Variants in LRP1B observed in about 807,000 individuals in gnomAD.
LRP1B encodes LDL receptor related protein 1B.
LRP1B carries 217 observed loss-of-function variants against 556.6 expected under a neutral mutation model. The observed-to-expected ratio is 0.39, with a 90% CI of 0.35 to 0.44. LRP1B has a LOEUF of 0.44. LRP1B is among the 20% of genes least tolerant of loss of function. The probability of loss-of-function intolerance (pLI) is 1.00; values close to 1 mark genes in which losing one functional copy is unlikely to be tolerated. For synonymous variants in LRP1B, 2,047 were observed against 1,865.8 expected (o/e 1.10, Z -2.50); for missense variants, 5,053 against 5,620.8 (o/e 0.90, Z 3.23).
chr2:140,774,344 A>G (rs1351176533), intron 33 of LRP1B, among the ~76,000 whole-genome samples: 1 of 152,182 alleles, frequency 6.6e-6, no homozygotes, highest in Non-Finnish European at 1.5e-5. Flanking sequence ...TTATACCTAT[A>G]GAATCAAATC....
chr2:141,157,750 G>T (rs926719833), intron 7 of LRP1B, among the ~76,000 whole-genome samples: 9 of 151,956 alleles, frequency 5.9e-5, no homozygotes, highest in Non-Finnish European at 1.2e-4. Flanking sequence ...GTTTAACATC[G>T]CTGAGAAAAG....
At chr2:140,518,627 T>A (rs532049507) in intron 49 of LRP1B, among the ~76,000 whole-genome samples, 1 of 152,300 alleles carries the variant, frequency 6.6e-6, no homozygotes, top group East Asian at 1.9e-4. Context: ...GGTTTGTAGT[T>A]CTCCCTGAAG....
chr2:140,884,667 C>T (rs1353974130), intron 24 of LRP1B, among the ~76,000 whole-genome samples: 6 of 152,086 alleles, frequency 3.9e-5, no homozygotes, highest in Admixed American at 3.3e-4. Context: ...TACCAATATT[C>T]TTATTTATCC....
chr2:141,257,763 T>C lies in LRP1B; in HGVS notation c.344-3122A>G, dbSNP rs895060147. Among the ~76,000 whole-genome samples the C allele has an allele frequency of 2.6e-5, 4 of 152,196 alleles. No individual in the cohort carries two copies. The South Asian group carries it at 8.3e-4, about 32-fold the overall frequency. ...GTGAAATGGTAAATATTGATTCTGCTAACAGATCGTGAAGAACCATGAAGA... is the reference window on the plus strand; with the variant it reads ...GTGAAATGGTAAATATTGATTCTGCCAACAGATCGTGAAGAACCATGAAGA... On this transcript the variant is annotated intron_variant, in intron 3 of 90. Transcript: ENST00000389484.
intron 3 of LRP1B, among the ~76,000 whole-genome samples, chr2:141,419,845 CTTTAT>C (rs552185070): frequency 3.0e-3 from 400 of 135,100 alleles, no homozygotes; most frequent in African/African-American, 9.8e-3. Context: ...TATTTGAGAT[CTTTAT>C]TTCATTTCAT....
rs536093251 is a variant in LRP1B at position 140,250,372 on chromosome 2, T to A, written c.13248-3210A>T. Reference sequence around the variant, plus strand: ...ATGGATGGATAGACAGATAGACAGGTAGGTAGGTAGATAAACAGATACTTA... The same window carrying A: ...ATGGATGGATAGACAGATAGACAGGAAGGTAGGTAGATAAACAGATACTTA... On this transcript the variant is annotated intron_variant, in intron 86 of 90. Coordinates refer to ENST00000389484, the MANE Select transcript of LRP1B (RefSeq NM_018557.3). Among the ~76,000 whole-genome samples the A allele has an allele frequency of 2.6e-5, 4 of 151,902 alleles. No individual in the cohort carries two copies. The East Asian group carries it at 7.8e-4, about 30-fold the overall frequency.
In LRP1B at chr2:141,336,984, T is replaced by C. The variant is rs142541060; in HGVS notation, c.344-82343A>G. On this transcript the variant is annotated intron_variant, in intron 3 of 90. Coordinates refer to ENST00000389484, the MANE Select transcript of LRP1B (RefSeq NM_018557.3). ...ATGTCCAGTTTATGTTAGTTATGAG[T>C]ACAGTTACTGTAAACATTCATGTAC... Among the ~76,000 whole-genome samples, 734 of 152,302 alleles carry C rather than the reference T, an allele frequency of 4.8e-3. 5 individuals are homozygous for C. The highest frequency in any genetic ancestry group is 0.016 in the African/African-American group (674 of 41,572).
intron 7 of LRP1B, among the ~76,000 whole-genome samples, chr2:141,172,191 C>A (rs1680528573): frequency 6.6e-6 from 1 of 151,984 alleles, no homozygotes; most frequent in African/African-American, 2.4e-5. Context: ...GCTTCCCATG[C>A]ACTTCATGGG....
chr2:141,135,498 G>A lies in LRP1B; in HGVS notation c.1013+52923C>T, dbSNP rs1195498889. Among the ~76,000 whole-genome samples the A allele has an allele frequency of 2.6e-5, 4 of 151,900 alleles. No individual in the cohort carries two copies. In the East Asian group the frequency reaches 7.7e-4, roughly 29 times the overall value. Reference sequence around the variant, plus strand: ...TTGTCATAGGGACAAACAAATTAACGTTTGAAGCAACACATGCACACGCGT... The same window carrying A: ...TTGTCATAGGGACAAACAAATTAACATTTGAAGCAACACATGCACACGCGT... On this transcript the variant is annotated intron_variant, in intron 7 of 90. Transcript: ENST00000389484.
chr2:140,964,589 C>G (rs1040985950), intron 18 of LRP1B, among the ~76,000 whole-genome samples: 1 of 128,408 alleles, frequency 7.8e-6, no homozygotes, highest in Non-Finnish European at 1.7e-5. Context: ...CTCTTGTCTT[C>G]TGGTCACTTC....
At chr2:141,005,247 G>C (rs2105373293) in intron 15 of LRP1B, 88 bp downstream of exon 15, 1 of 1,407,090 alleles carries the variant, frequency 7.1e-7, no homozygotes, top group Non-Finnish European at 9.6e-7. Flanking sequence ...CTCTTTCCAA[G>C]TGTCATTTTA....
intron 18 of LRP1B, among the ~76,000 whole-genome samples, chr2:140,967,328 G>A (rs1307855267): frequency 1.2e-4 from 8 of 64,076 alleles, no homozygotes; most frequent in South Asian, 5.2e-4. Flanking sequence ...GTTCACTCAC[G>A]ATTTGGCTCT....
intron 66 of LRP1B, among the ~76,000 whole-genome samples, chr2:140,391,418 G>A (rs1197670246): frequency 6.6e-6 from 1 of 152,138 alleles, no homozygotes; most frequent in Non-Finnish European, 1.5e-5. Context: ...GGAAGTATCT[G>A]GGTAGAAGAA....
At position 140,668,005 on chromosome 2, in the gene LRP1B, C is replaced by CTT. The variant is rs1377756750; in HGVS notation, c.6799+32243_6799+32244dup. Among the ~76,000 whole-genome samples the CTT allele has an allele frequency of 2.6e-5, 4 of 152,168 alleles. No homozygotes were observed. In the East Asian group the frequency reaches 7.7e-4, roughly 29 times the overall value. ...AAAACTGAAAATTGAAATCAGACTT[C>CTT]TTGTAGCTTAGAATGTTAGAATATT... is the stretch of plus-strand genomic sequence containing the variant. On this transcript the variant is annotated intron_variant, in intron 41 of 90. Coordinates refer to ENST00000389484, the MANE Select transcript of LRP1B (RefSeq NM_018557.3).
chr2:142,049,051 T>G (rs1441294493), intron 1 of LRP1B, among the ~76,000 whole-genome samples: 1 of 152,092 alleles, frequency 6.6e-6, no homozygotes, highest in African/African-American at 2.4e-5. Flanking sequence ...AACTGTTATT[T>G]GATTAAAGAT....
At chr2:141,810,157 GAAA>G in intron 2 of LRP1B, 119 bp downstream of exon 2, 2 of 424,848 alleles carry the variant, frequency 4.7e-6, no homozygotes, top group South Asian at 6.4e-5. Flanking sequence ...AAGAAAGAAA[GAAA>G]GAAAGAAGGA....
chr2:141,299,640 T>A (rs1198921392), intron 3 of LRP1B, among the ~76,000 whole-genome samples: 1 of 152,224 alleles, frequency 6.6e-6, no homozygotes, highest in Non-Finnish European at 1.5e-5. Context: ...GTACACGGAC[T>A]GTCTCAGAAA....
chr2:140,741,521 G>T (rs1243766821), intron 35 of LRP1B, among the ~76,000 whole-genome samples: 4 of 151,950 alleles, frequency 2.6e-5, no homozygotes, highest in Non-Finnish European at 5.9e-5. Context: ...TACATGTGCA[G>T]GTTTGTTACA....
intron 41 of LRP1B, among the ~76,000 whole-genome samples, chr2:140,633,221 T>G (rs1164103841): frequency 1.3e-5 from 2 of 151,974 alleles, no homozygotes; most frequent in Non-Finnish European, 2.9e-5. Context: ...CACAACTAAG[T>G]AACACGAGTC....
Sources: allele counts gnomAD v4.1 joint callset (sites outside exome capture counted in the v4.1 genomes callset), GRCh38; gene constraint gnomAD v4.1.1; transcripts MANE v1.5; gene names NCBI Gene and HGNC (gene_info 2026-07-23, HGNC 2026-07-21).